The following IL1RAPL1 variants were observed in gnomAD, a reference collection of about 807,000 sequenced individuals.
The protein encoded by IL1RAPL1 is interleukin 1 receptor accessory protein like 1, also known as interleukin-1 receptor accessory protein-like 1.
Under a neutral mutation model 48.4 loss-of-function variants are expected in IL1RAPL1, and 3 were observed. The ratio of observed to expected loss-of-function variants is 0.06; its 90% CI spans 0.03 to 0.16. The LOEUF (loss-of-function observed/expected upper bound fraction) is 0.16. IL1RAPL1 is among the 10% of genes least tolerant of loss of function. The pLI, the probability that IL1RAPL1 is intolerant of heterozygous loss-of-function variation, is 1.00. For synonymous variants in IL1RAPL1, 185 were observed against 187.7 expected (o/e 0.99, Z 0.12); for missense variants, 349 against 530.6 (o/e 0.66, Z 3.36).
chrX:28,837,355 C>G (rs918139069), intron 2 of IL1RAPL1, among the ~76,000 whole-genome samples: 2 of 110,630 alleles, frequency 1.8e-5, no homozygotes, highest in Admixed American at 9.6e-5. Context: ...ATTTTTGAAG[C>G]CTTGGCTTTT....
chrX:29,630,773 C>T (rs1418237780), intron 5 of IL1RAPL1, among the ~76,000 whole-genome samples: 1 of 111,920 alleles, frequency 8.9e-6, no homozygotes, highest in Non-Finnish European at 1.9e-5. Context: ...CTCCTGACCT[C>T]GTGATCCGCC....
intron 5 of IL1RAPL1, among the ~76,000 whole-genome samples, chrX:29,546,035 C>T (rs1366296175): frequency 9.0e-6 from 1 of 111,377 alleles, no homozygotes; most frequent in African/African-American, 3.3e-5. Context: ...GTGACATCTT[C>T]GGGGAGGATG....
chrX:28,706,195 A>T (rs866474168), intron 1 of IL1RAPL1, among the ~76,000 whole-genome samples: 9 of 111,657 alleles, frequency 8.1e-5, no homozygotes, highest in Non-Finnish European at 1.1e-4. Flanking sequence ...CTATGTTTAG[A>T]TACATAAATA....
intron 6 of IL1RAPL1, among the ~76,000 whole-genome samples, chrX:29,914,341 T>C (rs2041258): frequency 0.38 from 42,002 of 110,957 alleles, 7,485 homozygotes; most frequent in African/African-American, 0.7. Context: ...AGGAGGGTGA[T>C]GTGAGACAGT....
Position 28,725,112 on chromosome X carries a change from G to A in IL1RAPL1, c.-24-64208G>A, listed in dbSNP as rs899260332. On this transcript the variant is annotated intron_variant, in intron 1 of 10. Transcript: ENST00000378993. ...GACTATAGGCGCCCGCACCACGCCCGGCTAATTTTTTGTATTTTTAGTAGA... is the reference window on the plus strand; with the variant it reads ...GACTATAGGCGCCCGCACCACGCCCAGCTAATTTTTTGTATTTTTAGTAGA... Among the ~76,000 whole-genome samples, 6 of 108,697 alleles carry A rather than the reference G, an allele frequency of 5.5e-5. No individual in the cohort carries two copies. The East Asian group carries it at 8.8e-4, about 16-fold the overall frequency. 94.4% of individuals were successfully genotyped at this position (108,697 alleles called of 115,157 possible).
At chrX:29,881,646 G>A (rs1483053653) in intron 6 of IL1RAPL1, among the ~76,000 whole-genome samples, 3 of 110,740 alleles carry the variant, frequency 2.7e-5, no homozygotes, top group African/African-American at 9.8e-5. Context: ...ACATCATGGA[G>A]AATGGGGTAT....
chrX:29,297,269 T>A lies in IL1RAPL1; in HGVS notation c.362+14052T>A, dbSNP rs780651007. On this transcript the variant is annotated intron_variant, in intron 3 of 10. Transcript: ENST00000378993. The stretch of plus-strand genomic sequence containing the variant: ...TCATATTACAGAAAAGCAGCTTAAG[T>A]AAGATAGTTTAGTTTCTCACGTAAA... Among the ~76,000 whole-genome samples, 188 of 112,520 alleles carry A rather than the reference T, an allele frequency of 1.7e-3. 1 individual carries two copies. Among genetic ancestry groups the A allele is most frequent in the African/African-American group, 5.5e-3 (172 of 31,039 alleles).
intron 9 of IL1RAPL1, among the ~76,000 whole-genome samples, chrX:29,950,343 T>G (rs1365424780): frequency 1.8e-5 from 2 of 112,118 alleles, no homozygotes; most frequent in Non-Finnish European, 3.8e-5. Context: ...CCTCTAAGTA[T>G]TAGGACGATC....
At chrX:29,620,103 T>C (rs1924415269) in intron 5 of IL1RAPL1, among the ~76,000 whole-genome samples, 1 of 111,995 alleles carries the variant, frequency 8.9e-6, no homozygotes, top group South Asian at 3.7e-4. Context: ...TGAGGGCTCC[T>C]TTCTCATTTG....
intron 5 of IL1RAPL1, among the ~76,000 whole-genome samples, chrX:29,633,468 TAC>T (rs200222696): frequency 0.048 from 4,675 of 97,347 alleles, 223 homozygotes; most frequent in African/African-American, 0.14. Flanking sequence ...GATATATATA[TAC>T]ACACACACAC....
chrX:29,552,091 G>A (rs1921835607), intron 5 of IL1RAPL1, among the ~76,000 whole-genome samples: 1 of 111,060 alleles, frequency 9.0e-6, no homozygotes, highest in Admixed American at 9.6e-5. Flanking sequence ...CCAGGCCATT[G>A]TATGTTTTCC....
At chrX:29,794,074 G>A (rs1929691823) in intron 6 of IL1RAPL1, among the ~76,000 whole-genome samples, 1 of 111,657 alleles carries the variant, frequency 9.0e-6, no homozygotes, top group Admixed American at 9.5e-5. Context: ...TTAACACAGG[G>A]ACAACTTTAT....
At chrX:29,770,281 T>TATA (rs1569164264) in intron 6 of IL1RAPL1, among the ~76,000 whole-genome samples, 85 of 111,828 alleles carry the variant, frequency 7.6e-4, no homozygotes, top group African/African-American at 2.6e-3. Context: ...TCAAGTTCGG[T>TATA]GCATGTCTAT....
chrX:29,752,084 A>G (rs868443010), intron 6 of IL1RAPL1, among the ~76,000 whole-genome samples: 961 of 95,069 alleles, frequency 0.01, 12 homozygotes, highest in African/African-American at 0.036. Flanking sequence ...GTGTATGTAT[A>G]TATATATATA....
At chrX:29,245,404 C>T (rs1174681098) in intron 2 of IL1RAPL1, among the ~76,000 whole-genome samples, 4 of 111,511 alleles carry the variant, frequency 3.6e-5, no homozygotes, top group Admixed American at 2.8e-4. Context: ...AGTGTAAAAG[C>T]ATTCCTATTT....
At chrX:29,570,883 C>T (rs1376565783) in intron 5 of IL1RAPL1, among the ~76,000 whole-genome samples, 1 of 112,221 alleles carries the variant, frequency 8.9e-6, no homozygotes, top group Admixed American at 9.4e-5. Context: ...ATATGGAAAA[C>T]AGATTGTGTA....
At chrX:29,224,209 C>T (rs1293014132) in intron 2 of IL1RAPL1, among the ~76,000 whole-genome samples, 1 of 110,748 alleles carries the variant, frequency 9.0e-6, no homozygotes, top group African/African-American at 3.3e-5. Context: ...TTTGAGAACA[C>T]CTTTAGCATT....
chrX:29,647,687 A>T (rs1447100904), intron 5 of IL1RAPL1, among the ~76,000 whole-genome samples: 1 of 112,183 alleles, frequency 8.9e-6, no homozygotes, highest in African/African-American at 3.2e-5. Context: ...AAACCATAGT[A>T]CTAAAGCAAA....
At chrX:28,987,441 G>A (rs1294294680) in intron 2 of IL1RAPL1, among the ~76,000 whole-genome samples, 1 of 111,848 alleles carries the variant, frequency 8.9e-6, no homozygotes, top group East Asian at 2.8e-4. Context: ...AAATGCTGTG[G>A]TAAACTTCTC....
Sources: allele counts gnomAD v4.1 joint callset (sites outside exome capture counted in the v4.1 genomes callset), GRCh38; gene constraint gnomAD v4.1.1; transcripts MANE v1.5; gene names NCBI Gene and HGNC (gene_info 2026-07-23, HGNC 2026-07-21).